Variants in PLD1 observed in about 807,000 individuals in gnomAD.
PLD1 encodes the protein choline phosphatase 1.
In PLD1, 112 loss-of-function variants were observed where a neutral mutation model predicts 137.1. The observed-to-expected ratio is 0.82, with a 90% CI of 0.70 to 0.96. PLD1 has a LOEUF of 0.96. Ranked by LOEUF, PLD1 falls within the 40% of genes least tolerant of loss-of-function variation. The pLI is 0.00. For synonymous variants in PLD1, 431 were observed against 454.7 expected (o/e 0.95, Z 0.66); for missense variants, 1,321 against 1,342.0 (o/e 0.98, Z 0.24).
chr3:171,671,755 T>C (rs1286719135), intron 19 of PLD1, among the ~76,000 whole-genome samples: 1 of 152,160 alleles, frequency 6.6e-6, no homozygotes, highest in Non-Finnish European at 1.5e-5. Flanking sequence ...TAAGGAGTCC[T>C]GTATTAAAGA....
intron 8 of PLD1, among the ~76,000 whole-genome samples, chr3:171,715,391 T>C (rs1717596643): frequency 6.6e-6 from 1 of 152,230 alleles, no homozygotes; most frequent in Non-Finnish European, 1.5e-5. Flanking sequence ...GGTAGTGTAA[T>C]GCCTCTAGCT....
Position 171,701,197 on chromosome 3 carries a change from C to A in PLD1, c.1146-1371G>T, listed in dbSNP as rs185210695. 4.6e-3 allele frequency among the ~76,000 whole-genome samples: 693 copies of A among 152,224 alleles called. 4 individuals are homozygous for A. The highest frequency in any genetic ancestry group is 0.015 in the African/African-American group (616 of 41,542). On this transcript the variant is annotated intron_variant, in intron 11 of 26. Coordinates refer to ENST00000351298, the MANE Select transcript of PLD1 (RefSeq NM_002662.5). ...TGGGTAAAATAAATAAGGAAACAGA[C>A]AAATGGAAGAGTTTGGACAGTGTAA...
chr3:171,652,241 G>A (rs1294372935), intron 21 of PLD1, among the ~76,000 whole-genome samples: 4 of 151,968 alleles, frequency 2.6e-5, no homozygotes, highest in South Asian at 2.1e-4. Context: ...GTGAAACCCC[G>A]TCTCTACTAA....
At chr3:171,695,527 G>C (rs1296682889) in intron 12 of PLD1, among the ~76,000 whole-genome samples, 2 of 152,176 alleles carry the variant, frequency 1.3e-5, no homozygotes, top group African/African-American at 2.4e-5. Context: ...TTTTTGTCAA[G>C]TAGAGCAGAC....
intron 7 of PLD1, among the ~76,000 whole-genome samples, chr3:171,725,634 T>C (rs779025825): frequency 6.6e-6 from 1 of 152,262 alleles, no homozygotes; most frequent in Non-Finnish European, 1.5e-5. Context: ...ATATTTTACA[T>C]AGTATTATTT....
At chr3:171,774,712 C>T (rs554235113) in intron 1 of PLD1, among the ~76,000 whole-genome samples, 1 of 152,312 alleles carries the variant, frequency 6.6e-6, no homozygotes, top group African/African-American at 2.4e-5. Flanking sequence ...CAGCAGCATG[C>T]GCACTGGCTC....
At chr3:171,797,393 T>A (rs1331809950) in intron 1 of PLD1, among the ~76,000 whole-genome samples, 1 of 152,180 alleles carries the variant, frequency 6.6e-6, no homozygotes, top group African/African-American at 2.4e-5. Flanking sequence ...CAAATTGTAG[T>A]CCCCAAACCA....
intron 1 of PLD1, among the ~76,000 whole-genome samples, chr3:171,742,204 T>A (rs2108273292): frequency 6.6e-6 from 1 of 152,214 alleles, no homozygotes; most frequent in East Asian, 1.9e-4. Context: ...ACTGGGAGAC[T>A]TTTACAATTT....
At chr3:171,752,446 C>G (rs923094984) in intron 1 of PLD1, among the ~76,000 whole-genome samples, 1 of 152,208 alleles carries the variant, frequency 6.6e-6, no homozygotes, top group Non-Finnish European at 1.5e-5. Context: ...ATTTGCAGCT[C>G]TTTCCCTCTT....
intron 21 of PLD1, among the ~76,000 whole-genome samples, chr3:171,655,325 G>T (rs916731363): frequency 1.3e-5 from 2 of 152,090 alleles, no homozygotes; most frequent in African/African-American, 4.8e-5. Context: ...TCACCCCAGG[G>T]TGGCAACCTG....
intron 7 of PLD1, among the ~76,000 whole-genome samples, chr3:171,725,148 C>T (rs746522548): frequency 6.6e-6 from 1 of 152,116 alleles, no homozygotes; most frequent in Non-Finnish European, 1.5e-5. Context: ...TGTAACAAAC[C>T]CGCACGTTGT....
In PLD1 at chr3:171,688,854, A is replaced by C; in HGVS notation, c.1361T>G (p.Val454Gly). Residue 454 changes from valine to glycine, a missense_variant, in exon 14 of 27, where the codon GTG becomes GGG. Coordinates refer to ENST00000351298, the MANE Select transcript of PLD1 (RefSeq NM_002662.5). ...NIKVMRHPDH[V>G]SSTVYLWAHH... ...AGCCCACAAATAGACGGTGGATGAC[A>C]CATGATCCGGGTGTCTCATCACCTT... is the stretch of plus-strand genomic sequence containing the variant. 1.9e-6 allele frequency: 3 copies of C among 1,614,014 alleles called. No individual in the cohort carries two copies. Among genetic ancestry groups the C allele is most frequent in the Non-Finnish European group, 2.5e-6 (3 of 1,179,904 alleles).
rs78243490 is a variant in PLD1, at chr3:171,687,246, G to A, written c.1753+125C>T. 8.5e-3 allele frequency: 6,226 copies of A among 734,830 alleles called. 40 individuals are homozygous for A. Among genetic ancestry groups the A allele is most frequent in the Non-Finnish European group, 0.011 (4,830 of 439,778 alleles). The allele number at this position is 734,830 out of a possible 1,614,324, so 45.5% of individuals were successfully genotyped here. On this transcript the variant is annotated intron_variant, in intron 15 of 26. Coordinates refer to ENST00000351298, the MANE Select transcript of PLD1 (RefSeq NM_002662.5). ...ATGAGGTTGAATAGAATGATATAGC[G>A]ACCTCTCAACATTGCTCATTCTACT...
chr3:171,700,019 A>G (rs1490233780), intron 11 of PLD1, among the ~76,000 whole-genome samples, 193 bp from the exon 12 acceptor site: 1 of 151,336 alleles, frequency 6.6e-6, no homozygotes, highest in Non-Finnish European at 1.5e-5. Context: ...TATACAAAAC[A>G]TCAATCTTAG....
At chr3:171,707,497 T>C (rs374574658) in intron 11 of PLD1, among the ~76,000 whole-genome samples, 1 of 152,184 alleles carries the variant, frequency 6.6e-6, no homozygotes, top group African/African-American at 2.4e-5. Flanking sequence ...CTCCTAAGCA[T>C]GAAACATTTT....
At chr3:171,665,308 T>C (rs1711999498) in intron 19 of PLD1, among the ~76,000 whole-genome samples, 1 of 152,188 alleles carries the variant, frequency 6.6e-6, no homozygotes, top group South Asian at 2.1e-4. Context: ...CGCCTGAAGG[T>C]CACATATTTG....
At chr3:171,691,662 T>C (rs1715167018) in intron 13 of PLD1, among the ~76,000 whole-genome samples, 1 of 152,192 alleles carries the variant, frequency 6.6e-6, no homozygotes, top group African/African-American at 2.4e-5. Flanking sequence ...ATTTGGTGAA[T>C]GAATAAATAA....
At chr3:171,630,133 C>T (rs1297318769) in intron 23 of PLD1, among the ~76,000 whole-genome samples, 1 of 150,120 alleles carries the variant, frequency 6.7e-6, no homozygotes, top group African/African-American at 2.4e-5. Context: ...GGGCTAATAT[C>T]CAGAATCTAC....
At chr3:171,623,038 T>C (rs969487366) in intron 23 of PLD1, among the ~76,000 whole-genome samples, 4 of 152,028 alleles carry the variant, frequency 2.6e-5, no homozygotes, top group Non-Finnish European at 5.9e-5. Flanking sequence ...AAGAGTAGAC[T>C]TGAACAAATG....
Sources: gnomAD v4.1 joint callset for allele counts (sites outside exome capture counted in the v4.1 genomes callset) on GRCh38, gnomAD v4.1.1 for gene constraint, MANE v1.5 for transcripts, NCBI Gene and HGNC (gene_info 2026-07-23, HGNC 2026-07-21) for gene names.